Variants in IMPG1 observed in about 807,000 individuals in gnomAD.
IMPG1 encodes the protein interphotoreceptor matrix proteoglycan 1, also known as interphotoreceptor matrix proteoglycan of 150 kDa.
A neutral mutation model predicts 92.0 loss-of-function variants in IMPG1; 85 were observed. The observed-to-expected ratio is 0.92, with a 90% CI of 0.78 to 1.11. The LOEUF (loss-of-function observed/expected upper bound fraction) is 1.11. IMPG1 is among the 50% of genes least tolerant of loss of function. IMPG1 has a pLI of 0.00. For missense variants in IMPG1, 1,022 were observed against 956.0 expected (o/e 1.07, Z -0.91); for synonymous variants, 367 against 334.1 (o/e 1.10, Z -1.08).
At chr6:75,965,457 G>T (rs1782290672) in intron 12 of IMPG1, among the ~76,000 whole-genome samples, 1 of 151,232 alleles carries the variant, frequency 6.6e-6, no homozygotes, top group African/African-American at 2.4e-5. Flanking sequence ...ATAAAAATCT[G>T]AACGTCTTTT....
intron 4 of IMPG1, among the ~76,000 whole-genome samples, chr6:76,031,060 C>G (rs1327516766): frequency 6.6e-6 from 1 of 152,168 alleles, no homozygotes; most frequent in Non-Finnish European, 1.5e-5. Context: ...AAAACCCTGC[C>G]TTACTCAGCC....
intron 4 of IMPG1, among the ~76,000 whole-genome samples, chr6:76,029,293 A>G (rs1402212843): frequency 2.6e-5 from 4 of 152,254 alleles, no homozygotes; most frequent in African/African-American, 9.6e-5. Context: ...GTCTCACCTG[A>G]GAGTCCTCGT....
chr6:75,963,278 G>A (rs1263038923), intron 12 of IMPG1, among the ~76,000 whole-genome samples: 3 of 152,140 alleles, frequency 2.0e-5, no homozygotes, highest in Non-Finnish European at 2.9e-5. Flanking sequence ...AGTCAAAAAT[G>A]CATATTATTT....
chr6:75,982,106 A>T (rs1178624504), intron 12 of IMPG1, among the ~76,000 whole-genome samples: 3 of 152,218 alleles, frequency 2.0e-5, no homozygotes, highest in Non-Finnish European at 4.4e-5. Context: ...TAGCCTAATC[A>T]TATATTAACA....
rs1782009315 is a variant in IMPG1 at position 75,950,670 on chromosome 6, C to T, written c.1716G>A (p.Glu572=). 2 of 1,613,790 alleles carry T rather than the reference C, an allele frequency of 1.2e-6. No individual in the cohort carries two copies. Among genetic ancestry groups the T allele is most frequent in the African/African-American group, 1.3e-5 (1 of 74,916 alleles). The change falls in exon 13 of 17, where the codon GAG becomes GAA. Residue 572 remains glutamate, a synonymous_variant. Transcript: ENST00000369950. ...CACGCAGACTGAAGAACACTACCAGCTCTCGGCCCTTGGGGGCAATGGTCA... is the reference window on the plus strand; with the variant it reads ...CACGCAGACTGAAGAACACTACCAGTTCTCGGCCCTTGGGGGCAATGGTCA... The part of the protein sequence containing the change: ...SSMTIAPKGR[E]LVVFFSLRVA...
intron 16 of IMPG1, among the ~76,000 whole-genome samples, chr6:75,922,604 A>G (rs980504170): frequency 3.3e-5 from 5 of 152,172 alleles, no homozygotes; most frequent in Non-Finnish European, 7.4e-5. Context: ...TTTACTTCCT[A>G]CTGTGAAAAT....
Position 76,005,366 on chromosome 6 carries a change from A to G in IMPG1, c.1056T>C (p.Ala352=), listed in dbSNP as rs1783076976. The change falls in exon 10 of 17, where the codon GCT becomes GCC. Residue 352 remains alanine (A), a synonymous_variant. Coordinates refer to ENST00000369950, the MANE Select transcript of IMPG1 (RefSeq NM_001563.4). The part of the protein sequence containing the change: ...EDKQPEIYLT[A]TDLKRLISKA... ...TGCTGATCAGCCTTTTGAGGTCTGT[A>G]GCTGTGAGATAGATTTCTGGTTGCT... 3 of 1,614,008 alleles carry G rather than the reference A, an allele frequency of 1.9e-6. No homozygotes were observed. The highest frequency in any genetic ancestry group is 1.3e-5 in the African/African-American group (1 of 75,050).
chr6:75,939,578 A>G (rs1781805171), intron 14 of IMPG1, among the ~76,000 whole-genome samples: 1 of 152,078 alleles, frequency 6.6e-6, no homozygotes, highest in Non-Finnish European at 1.5e-5. Context: ...TATGTGCCAC[A>G]TTTTCTTAAT....
intron 12 of IMPG1, among the ~76,000 whole-genome samples, chr6:75,977,672 C>T (rs886894585): frequency 6.6e-5 from 10 of 151,782 alleles, no homozygotes; most frequent in East Asian, 3.9e-4. Flanking sequence ...ATAAAGAACT[C>T]GAGGTGGACT....
At chr6:75,939,825 C>T (rs1482638386) in intron 14 of IMPG1, among the ~76,000 whole-genome samples, 1 of 152,164 alleles carries the variant, frequency 6.6e-6, no homozygotes, top group Non-Finnish European at 1.5e-5. Context: ...AGGAGCCTAA[C>T]ATTGGAGGGC....
intron 4 of IMPG1, among the ~76,000 whole-genome samples, chr6:76,028,242 T>G (rs775762722): frequency 6.6e-6 from 1 of 152,236 alleles, no homozygotes; most frequent in Non-Finnish European, 1.5e-5. Flanking sequence ...CACAGACAAT[T>G]GCTGTCTTGT....
chr6:76,026,322 C>T (rs1180161549), intron 4 of IMPG1, among the ~76,000 whole-genome samples: 2 of 152,270 alleles, frequency 1.3e-5, no homozygotes, highest in East Asian at 1.9e-4. Flanking sequence ...ACGTGGGGCT[C>T]GAGAAGTGGT....
intron 12 of IMPG1, among the ~76,000 whole-genome samples, chr6:75,974,961 T>G (rs942890218): frequency 2.6e-5 from 4 of 152,242 alleles, no homozygotes; most frequent in African/African-American, 7.2e-5. Flanking sequence ...AGAAATGCAG[T>G]ATAAGTAGGC....
intron 12 of IMPG1, among the ~76,000 whole-genome samples, chr6:75,994,018 GTT>G (rs1207663032): frequency 6.6e-6 from 1 of 152,198 alleles, no homozygotes; most frequent in African/African-American, 2.4e-5. Flanking sequence ...CTGTGTGCTG[GTT>G]TTCTGGCACT....
chr6:75,965,932 T>A (rs1782302763), intron 12 of IMPG1, among the ~76,000 whole-genome samples: 1 of 152,116 alleles, frequency 6.6e-6, no homozygotes, highest in Non-Finnish European at 1.5e-5. Flanking sequence ...ACCAGATATA[T>A]GTTTGCAAAG....
intron 1 of IMPG1, among the ~76,000 whole-genome samples, chr6:76,060,654 C>T (rs1002894364): frequency 6.6e-6 from 1 of 152,180 alleles, no homozygotes; most frequent in Non-Finnish European, 1.5e-5. Context: ...AAACTGTCCA[C>T]TGTGGAAGAT....
chr6:76,051,452 C>A (rs147032913), intron 1 of IMPG1, among the ~76,000 whole-genome samples: 2 of 152,238 alleles, frequency 1.3e-5, no homozygotes, highest in Non-Finnish European at 2.9e-5. Flanking sequence ...ACTTGCTGTC[C>A]CACTTGCCCT....
At chr6:75,938,902 CT>C (rs563197536) in intron 14 of IMPG1, among the ~76,000 whole-genome samples, 4 of 151,962 alleles carry the variant, frequency 2.6e-5, no homozygotes, top group Admixed American at 1.3e-4. Context: ...CTTCACTAAA[CT>C]TTTTTTTTCC....
At chr6:76,044,832 T>C (rs1783908653) in intron 1 of IMPG1, among the ~76,000 whole-genome samples, 1 of 152,216 alleles carries the variant, frequency 6.6e-6, no homozygotes, top group Non-Finnish European at 1.5e-5. Context: ...TGGATCCCTT[T>C]GGATCCTAAC....
Sources: allele counts gnomAD v4.1 joint callset (sites outside exome capture counted in the v4.1 genomes callset), GRCh38; gene constraint gnomAD v4.1.1; transcripts MANE v1.5; gene names NCBI Gene and HGNC (gene_info 2026-07-23, HGNC 2026-07-21).